Variants in RYR3 observed in about 807,000 individuals in gnomAD.
The protein encoded by RYR3 is ryanodine receptor 3.
A neutral mutation model predicts 584.3 loss-of-function variants in RYR3; 207 were observed. That is an observed-to-expected ratio of 0.35 (90% confidence interval 0.32 to 0.40). RYR3 has a LOEUF of 0.40. Among genes scored for constraint, RYR3 ranks in the 10% least tolerant of loss-of-function variants. The probability of loss-of-function intolerance (pLI) is 1.00; values close to 1 mark genes in which losing one functional copy is unlikely to be tolerated. For synonymous variants in RYR3, 2,416 were observed against 2,248.5 expected (o/e 1.07, Z -2.11); for missense variants, 5,616 against 6,089.2 (o/e 0.92, Z 2.59).
rs778346225 is a variant in RYR3, at chr15:33,780,243, C to T, written c.9170C>T (p.Ser3057Leu). ...QRPALGECLA[S>L]LAAAIPVAFL... ...CCTGCCCTTGGAGAATGTCTGGCCT[C>T]GCTGGCAGCTGCCATACCAGTGGCA... The change falls in exon 65 of 104, where the codon TCG becomes TTG. Residue 3057 changes from serine (S) to leucine (L), a missense_variant. By Grantham distance (145) the Ser-to-Leu change is moderately radical. This residue lies in a region of RYR3 where 954 missense variants were observed against 1,132.2 expected (regional missense o/e 0.84). Coordinates refer to ENST00000634891, the MANE Select transcript of RYR3 (RefSeq NM_001036.6). 8 of 1,613,806 alleles carry T rather than the reference C, an allele frequency of 5.0e-6. No individual in the cohort carries two copies. In the East Asian group the frequency reaches 6.7e-5, roughly 13 times the overall value.
chr15:33,517,957 T>A (rs1194724613), intron 3 of RYR3, among the ~76,000 whole-genome samples: 1 of 152,190 alleles, frequency 6.6e-6, no homozygotes, highest in Non-Finnish European at 1.5e-5. Context: ...ACCTACTGTA[T>A]GTTCTTTCCG....
chr15:33,647,514 G>A, intron 30 of RYR3, 54 bp downstream of exon 30: 1 of 1,291,040 alleles, frequency 7.7e-7, no homozygotes, highest in Non-Finnish European at 1.1e-6. Context: ...TGTTGTGCCT[G>A]GTAATATGCC....
intron 32 of RYR3, among the ~76,000 whole-genome samples, chr15:33,653,655 G>A (rs1229747446): frequency 6.8e-6 from 1 of 147,044 alleles, no homozygotes; most frequent in African/African-American, 2.5e-5. Flanking sequence ...GGGCAACAAA[G>A]CAAGACTCCA....
At chr15:33,793,380 C>G (rs1331030430) in intron 67 of RYR3, among the ~76,000 whole-genome samples, 1 of 152,134 alleles carries the variant, frequency 6.6e-6, no homozygotes. Context: ...CCTCCTGTCT[C>G]CCCAGAGGTA....
At chr15:33,528,487 G>A (rs1303727721) in intron 3 of RYR3, among the ~76,000 whole-genome samples, 1 of 152,084 alleles carries the variant, frequency 6.6e-6, no homozygotes, top group African/African-American at 2.4e-5. Context: ...TATCCTCCTA[G>A]TCTATTTCAA....
chr15:33,644,968 C>T (rs906485072), intron 28 of RYR3, among the ~76,000 whole-genome samples: 4 of 151,884 alleles, frequency 2.6e-5, no homozygotes, highest in African/African-American at 7.3e-5. Flanking sequence ...GCTATGATCA[C>T]ATCACTGCAC....
At chr15:33,549,763 G>A (rs1041298709) in intron 9 of RYR3, among the ~76,000 whole-genome samples, 41 of 152,202 alleles carry the variant, frequency 2.7e-4, no homozygotes, top group Admixed American at 2.0e-3. Context: ...ACTCTTTGTG[G>A]TAGTAATACG....
chr15:33,666,924 T>C (rs1033749484), intron 36 of RYR3, among the ~76,000 whole-genome samples: 4 of 152,236 alleles, frequency 2.6e-5, no homozygotes, highest in Admixed American at 2.0e-4. Context: ...AAAGATCTTT[T>C]AGTAAAGAAA....
At chr15:33,620,417 A>G (rs2060668608) in intron 19 of RYR3, among the ~76,000 whole-genome samples, 1 of 152,142 alleles carries the variant, frequency 6.6e-6, no homozygotes, top group South Asian at 2.1e-4. Context: ...GCTGTGGCTG[A>G]TAGAACTGGT....
chr15:33,608,807 G>A lies in RYR3; in HGVS notation c.2165-4376G>A, dbSNP rs371946364. Among the ~76,000 whole-genome samples, 22 of 152,342 alleles carry A rather than the reference G, an allele frequency of 1.4e-4. 1 individual carries two copies. Among genetic ancestry groups the A allele is most frequent in the Admixed American group, 8.5e-4 (13 of 15,310 alleles). On this transcript the variant is annotated intron_variant, in intron 18 of 103. Transcript: ENST00000634891. The stretch of plus-strand genomic sequence containing the variant: ...GTTGAGCCCAGTCTCTTAGAGAAAA[G>A]GTGGGAAAAGACAGTGTCTTTCACC...
intron 18 of RYR3, among the ~76,000 whole-genome samples, chr15:33,606,455 A>G (rs1006917673): frequency 2.0e-5 from 3 of 152,210 alleles, no homozygotes; most frequent in Non-Finnish European, 2.9e-5. Context: ...TGAATGAGAA[A>G]AGAATTCTCA....
chr15:33,562,496 AT>A (rs2057462906), intron 10 of RYR3, among the ~76,000 whole-genome samples: 1 of 152,240 alleles, frequency 6.6e-6, no homozygotes, highest in Admixed American at 6.5e-5. Flanking sequence ...CTAGTAACAG[AT>A]TACTTATTAA....
chr15:33,838,863 G>A lies in RYR3; in HGVS notation c.12883G>A (p.Gly4295Arg). Residue 4295 changes from glycine (G) to arginine (R), a missense_variant, in exon 89 of 104, where the codon GGG (glycine) becomes AGG (arginine). Gly to Arg is a moderately radical substitution (Grantham distance 125, BLOSUM62 -2). This residue lies in a region of RYR3 where 918 missense variants were observed against 887.4 expected (regional missense o/e 1.03). Coordinates refer to ENST00000634891, the MANE Select transcript of RYR3 (RefSeq NM_001036.6). ...HPKKEGSLKHGPEVGLGDLSE... is the reference protein window; with the variant it reads ...HPKKEGSLKHRPEVGLGDLSE... ...AAAGAAAGAGGGCAGCTTAAAGCAT[G>A]GGCCTGAAGTGGGTTTGGGTGACCT... The A allele has an allele frequency of 6.2e-7, 1 of 1,613,980 alleles. No homozygotes were observed. The highest frequency in any genetic ancestry group is 8.5e-7 in the Non-Finnish European group (1 of 1,179,878).
intron 1 of RYR3, among the ~76,000 whole-genome samples, chr15:33,395,156 T>C (rs568989583): frequency 2.0e-5 from 3 of 152,250 alleles, no homozygotes; most frequent in African/African-American, 7.2e-5. Flanking sequence ...ACAAAGATGG[T>C]GTGTGATTTT....
chr15:33,802,199 G>C, intron 69 of RYR3: 1 of 633,688 alleles, frequency 1.6e-6, no homozygotes, highest in South Asian at 1.5e-5. Flanking sequence ...TAAGTTTCAA[G>C]ACTTGCCTAA....
chr15:33,748,159 A>G lies in RYR3; in HGVS notation c.8035A>G (p.Met2679Val), dbSNP rs1236705995. 2.5e-6 allele frequency: 4 copies of G among 1,613,894 alleles called. No individual in the cohort carries two copies. The highest frequency in any genetic ancestry group is 3.4e-6 in the Non-Finnish European group (4 of 1,179,822). ...RWPARESLKT[M>V]LAVGWTVERT... ...GCCTGCGCGAGAGTCCCTGAAAACC[A>G]TGCTGGCTGTGGGCTGGACTGTGGA... Residue 2679 changes from methionine to valine, a missense_variant, in exon 54 of 104, where the codon ATG (methionine) becomes GTG (valine). By Grantham distance (21) the Met-to-Val change is conservative (BLOSUM62 1). Around this residue, in one of 9 missense-constraint regions of RYR3, gnomAD observed 1,280 missense variants for 1,426.2 expected, o/e 0.90. Transcript: ENST00000634891.
chr15:33,725,696 A>G (rs2068344197), intron 45 of RYR3, among the ~76,000 whole-genome samples: 2 of 151,630 alleles, frequency 1.3e-5, no homozygotes, highest in Admixed American at 6.6e-5. Flanking sequence ...GTGGTGGTTT[A>G]CGCCTGTGAT....
intron 49 of RYR3, among the ~76,000 whole-genome samples, chr15:33,737,395 A>G (rs929113999): frequency 1.1e-4 from 16 of 152,240 alleles, no homozygotes; most frequent in African/African-American, 3.6e-4. Context: ...TTTACCTTTT[A>G]TCTCTGAGGC....
rs560106965 is a variant in RYR3 at position 33,776,113 on chromosome 15, G to A, written c.9137+2498G>A. Among the ~76,000 whole-genome samples, 88 of 152,256 alleles carry A rather than the reference G, an allele frequency of 5.8e-4. 1 individual carries two copies. The highest frequency in any genetic ancestry group is 1.9e-3 in the African/African-American group (78 of 41,552). On this transcript the variant is annotated intron_variant, in intron 64 of 103. Coordinates refer to ENST00000634891, the MANE Select transcript of RYR3 (RefSeq NM_001036.6). Reference sequence around the variant, plus strand: ...GCTGGCGTCTCCTTGACTGATGAACGTATGTAAGGGAATCACTACATACTT... The same window carrying A: ...GCTGGCGTCTCCTTGACTGATGAACATATGTAAGGGAATCACTACATACTT...
Sources: gnomAD v4.1 joint callset for allele counts (sites outside exome capture counted in the v4.1 genomes callset) on GRCh38, gnomAD v4.1.1 for gene constraint, gnomAD v4.1.1 regional missense constraint, MANE v1.5 for transcripts, NCBI Gene and HGNC (gene_info 2026-07-23, HGNC 2026-07-21) for gene names.